The following DRD3 variants were observed in gnomAD, a reference collection of about 807,000 sequenced individuals.
DRD3 encodes the protein D(3) dopamine receptor.
Under a neutral mutation model 36.3 loss-of-function variants are expected in DRD3, and 19 were observed. The ratio of observed to expected loss-of-function variants is 0.52; its 90% confidence interval spans 0.36 to 0.77. The LOEUF (loss-of-function observed/expected upper bound fraction) is 0.77, where lower values mean the gene tolerates loss of function less well. Ranked by LOEUF, DRD3 falls within the 30% of genes least tolerant of loss-of-function variation. The pLI, the probability that DRD3 is intolerant of heterozygous loss-of-function variation, is 0.00. For synonymous variants in DRD3, 195 were observed against 203.7 expected (o/e 0.96, Z 0.36); for missense variants, 465 against 505.3 (o/e 0.92, Z 0.77).
At chr3:114,170,116 C>T (rs933975577) in intron 2 of DRD3, among the ~76,000 whole-genome samples, 10 of 152,134 alleles carry the variant, frequency 6.6e-5, no homozygotes, top group African/African-American at 1.4e-4. Context: ...GCACCTAAAG[C>T]GCCTCATTCT....
intron 6 of DRD3, among the ~76,000 whole-genome samples, chr3:114,130,120 A>T (rs534797296): frequency 6.6e-6 from 1 of 152,184 alleles, no homozygotes; most frequent in South Asian, 2.1e-4. Context: ...TTAGCTGGTC[A>T]TGGGGGCATA....
chr3:114,171,253 T>C (rs1185976707), intron 2 of DRD3, among the ~76,000 whole-genome samples: 1 of 152,158 alleles, frequency 6.6e-6, no homozygotes, highest in East Asian at 1.9e-4. Context: ...TGTTCGCTGG[T>C]CATTCTTTCT....
intron 1 of DRD3, among the ~76,000 whole-genome samples, chr3:114,187,700 A>C (rs1376745455): frequency 6.6e-6 from 1 of 152,176 alleles, no homozygotes; most frequent in African/African-American, 2.4e-5. Flanking sequence ...GGAGTTCAAA[A>C]ACTCAGCTTT....
intron 2 of DRD3, among the ~76,000 whole-genome samples, chr3:114,170,474 C>T (rs984179242): frequency 2.6e-5 from 4 of 152,144 alleles, no homozygotes; most frequent in Non-Finnish European, 1.5e-5. Flanking sequence ...ACCCTTCACC[C>T]TCCCAACTAG....
intron 2 of DRD3, among the ~76,000 whole-genome samples, chr3:114,169,562 G>A (rs2077819413): frequency 6.6e-6 from 1 of 151,956 alleles, no homozygotes; most frequent in Admixed American, 6.5e-5. Context: ...GTTGGACAGA[G>A]GGCATAGTAT....
At chr3:114,196,076 C>T (rs1001236910) in intron 1 of DRD3, among the ~76,000 whole-genome samples, 2 of 152,126 alleles carry the variant, frequency 1.3e-5, no homozygotes, top group Admixed American at 1.3e-4. Flanking sequence ...AGCAGGATGG[C>T]CATGTTGGCA....
chr3:114,143,969 G>T (rs373395957), intron 4 of DRD3, among the ~76,000 whole-genome samples: 2 of 152,314 alleles, frequency 1.3e-5, no homozygotes, highest in African/African-American at 4.8e-5. Context: ...GCAATGAAAG[G>T]GTTGGGCTGC....
intron 3 of DRD3, among the ~76,000 whole-genome samples, chr3:114,153,268 T>C (rs2107855174): frequency 7.0e-6 from 1 of 143,006 alleles, no homozygotes; most frequent in Non-Finnish European, 1.5e-5. Context: ...TGTAAACCTT[T>C]TTTTTTTTTA....
chr3:114,188,979 TAAC>T (rs2077989781), intron 1 of DRD3, among the ~76,000 whole-genome samples: 1 of 152,224 alleles, frequency 6.6e-6, no homozygotes, highest in South Asian at 2.1e-4. Flanking sequence ...TTAAAAAGAA[TAAC>T]AACATAATCA....
At chr3:114,181,933 A>G (rs1408159911), upstream of DRD3, among the ~76,000 whole-genome samples, 2 of 152,206 alleles carry the variant, frequency 1.3e-5, no homozygotes, top group Non-Finnish European at 2.9e-5. Context: ...TGGAGACTAA[A>G]TGAAGCATTA....
intron 1 of DRD3, chr3:114,199,166 T>A (rs868444309): frequency 1.3e-5 from 2 of 152,234 alleles, no homozygotes; most frequent in Non-Finnish European, 2.9e-5. Context: ...ATTAATTCCA[T>A]CCAACAACAT....
intron 1 of DRD3, among the ~76,000 whole-genome samples, chr3:114,198,560 A>AT (rs1263449775): frequency 6.6e-6 from 1 of 151,816 alleles, no homozygotes; most frequent in African/African-American, 2.4e-5. Flanking sequence ...TTTTGGGTAG[A>AT]TTTTTTGGTG....
chr3:114,171,891 G>A lies in DRD3; in HGVS notation c.102C>T (p.Leu34=). Residue 34 remains leucine, a synonymous_variant, in exon 2 of 7, where the codon CTC becomes CTT. Transcript: ENST00000383673. ...TGGCCAGGATGAGCGCGCAGTAGGA[G>A]AGGGCATAGTAGGCATGTGGGCGGG... ...SQARPHAYYA[L]SYCALILAIV... 1.2e-6 allele frequency: 2 copies of A among 1,612,868 alleles called. No individual in the cohort carries two copies. Among genetic ancestry groups the A allele is most frequent in the Non-Finnish European group, 1.7e-6 (2 of 1,179,386 alleles).
upstream of DRD3, among the ~76,000 whole-genome samples, chr3:114,179,996 A>C (rs1377817728): frequency 6.6e-6 from 1 of 152,156 alleles, no homozygotes; most frequent in Non-Finnish European, 1.5e-5. Context: ...TAGGAAAATT[A>C]AAGCTTATGG....
intron 3 of DRD3, among the ~76,000 whole-genome samples, chr3:114,155,281 C>T (rs1236116768): frequency 6.6e-6 from 1 of 152,148 alleles, no homozygotes; most frequent in Non-Finnish European, 1.5e-5. Flanking sequence ...TTTTCCAAGG[C>T]CTGTTTTCAT....
At chr3:114,176,378 A>G (rs2077899226) in intron 1 of DRD3, among the ~76,000 whole-genome samples, 1 of 152,092 alleles carries the variant, frequency 6.6e-6, no homozygotes, top group Non-Finnish European at 1.5e-5. Context: ...TGGAAGGATC[A>G]CTTGAGGCCA....
intron 5 of DRD3, among the ~76,000 whole-genome samples, chr3:114,134,352 C>T (rs1471687530): frequency 2.0e-5 from 3 of 152,046 alleles, no homozygotes; most frequent in Admixed American, 6.5e-5. Context: ...CCTGTCTTGG[C>T]CTCCAAAAGT....
At chr3:114,150,874 G>A (rs1034701177) in intron 3 of DRD3, among the ~76,000 whole-genome samples, 1 of 152,196 alleles carries the variant, frequency 6.6e-6, no homozygotes, top group Non-Finnish European at 1.5e-5. Flanking sequence ...TTGTAGAGTA[G>A]TAACATTTGC....
At chr3:114,172,475 C>T (rs950969452) in intron 1 of DRD3, among the ~76,000 whole-genome samples, 20 of 152,128 alleles carry the variant, frequency 1.3e-4, no homozygotes, top group African/African-American at 1.9e-4. Flanking sequence ...GAGAACAACA[C>T]GGGCCAGCAG....
Sources: gnomAD v4.1 joint callset for allele counts (sites outside exome capture counted in the v4.1 genomes callset) on GRCh38, gnomAD v4.1.1 for gene constraint, MANE v1.5 for transcripts, NCBI Gene and HGNC (gene_info 2026-07-23, HGNC 2026-07-21) for gene names.